Variants in H2AZ2 observed in about 807,000 individuals in gnomAD.
The protein encoded by H2AZ2 is histone H2A.V.
In H2AZ2, 5 loss-of-function variants were observed where a neutral mutation model predicts 15.5. That is an observed-to-expected ratio of 0.32 (90% CI 0.17 to 0.68). H2AZ2 has a LOEUF of 0.68. Among genes scored for constraint, H2AZ2 ranks in the 30% least tolerant of loss-of-function variants. H2AZ2 has a pLI of 0.72. For synonymous variants in H2AZ2, 44 were observed against 57.4 expected, an observed-to-expected ratio of 0.77 and a Z score of 1.05; for missense variants, 42 against 162.5, an observed-to-expected ratio of 0.26 and a Z score of 4.03.
chr7:44,837,499 GT>G (rs1228742559), intron 3 of H2AZ2, among the ~76,000 whole-genome samples: 55 of 122,868 alleles, frequency 4.5e-4, no homozygotes, highest in East Asian at 5.3e-4. Context: ...AACCTAAATT[GT>G]TTTTTTTTTT....
At chr7:44,828,248 C>A (rs576727844), downstream of H2AZ2, 1 of 152,134 alleles carries the variant, frequency 6.6e-6, no homozygotes. Flanking sequence ...TGATTCTTAA[C>A]GACCTTGGTA....
intron 1 of H2AZ2, among the ~76,000 whole-genome samples, chr7:44,844,851 T>A (rs990504898): frequency 2.0e-5 from 3 of 152,164 alleles, no homozygotes; most frequent in African/African-American, 7.2e-5. Context: ...TATTATAGAG[T>A]ATATGTGTAC....
intron 3 of H2AZ2, among the ~76,000 whole-genome samples, chr7:44,838,028 T>A (rs1421121453): frequency 6.6e-6 from 1 of 152,034 alleles, no homozygotes; most frequent in Non-Finnish European, 1.5e-5. Context: ...TGGAGTGCAG[T>A]GGCGCGATCT....
At chr7:44,846,058 C>CAGAGAGAGAGAGAGAG (rs1278378854) in intron 1 of H2AZ2, among the ~76,000 whole-genome samples, 1 of 92,658 alleles carries the variant, frequency 1.1e-5, no homozygotes, top group African/African-American at 3.4e-5. Flanking sequence ...CACACACACA[C>CAGAGAGAGAGAGAGAG]ACACAGAGAG....
chr7:44,841,094 C>A, intron 2 of H2AZ2, 82 bp from the exon 3 acceptor site: 1 of 992,594 alleles, frequency 1.0e-6, no homozygotes, highest in Non-Finnish European at 1.5e-6. Flanking sequence ...ACAATGTAAG[C>A]ATGAAATAAT....
At chr7:44,835,453 A>G (rs767312893) in intron 4 of H2AZ2, 76 bp downstream of exon 4, 4 of 1,228,244 alleles carry the variant, frequency 3.3e-6, no homozygotes, top group African/African-American at 3.0e-5. Context: ...CCGATCAAAT[A>G]TACTATATCA....
rs1240726124 is a variant in H2AZ2 at position 44,832,954 on chromosome 7, C to G, written c.*1547G>C. Reference sequence around the variant, plus strand: ...AAAAGAGCAAGAGCCTGTCTCAAAACAAACAAAAAAGTTTCTTAGAAACTG... The same window carrying G: ...AAAAGAGCAAGAGCCTGTCTCAAAAGAAACAAAAAAGTTTCTTAGAAACTG... On this transcript the variant is annotated 3_prime_UTR_variant, in exon 5 of 5. Transcript: ENST00000308153. Among the ~76,000 whole-genome samples the G allele has an allele frequency of 2.0e-5, 3 of 151,904 alleles. No individual in the cohort carries two copies. The highest frequency in any genetic ancestry group is 2.9e-5 in the Non-Finnish European group (2 of 67,964).
downstream of H2AZ2, chr7:44,830,115 C>T (rs368913178): frequency 2.2e-5 from 36 of 1,612,214 alleles, no homozygotes; most frequent in Middle Eastern, 1.7e-4. Context: ...AAAACCTTGC[C>T]GTCACCTAAT....
Position 44,847,441 on chromosome 7 carries a change from C to T in H2AZ2, c.3+528G>A, listed in dbSNP as rs546112946. Among the ~76,000 whole-genome samples, 13 of 152,288 alleles carry T rather than the reference C, an allele frequency of 8.5e-5. No homozygotes were observed. In the South Asian group the frequency reaches 2.3e-3, roughly 27 times the overall value. On this transcript the variant is annotated intron_variant, in intron 1 of 4. Coordinates refer to ENST00000308153, the MANE Select transcript of H2AZ2 (RefSeq NM_012412.5). Reference sequence around the variant, plus strand: ...CGTTCATTTCTAACCTGTGCAATCACCTAGAACAAATCGTGTGGTTCTGGT... The same window carrying T: ...CGTTCATTTCTAACCTGTGCAATCATCTAGAACAAATCGTGTGGTTCTGGT...
rs544365702 is a variant in H2AZ2, at chr7:44,833,948, C to T, written c.*553G>A. Reference sequence around the variant, plus strand: ...TCCACTACCATTTCAGTCATAAATGCATACTTTTCTATAATCTAACATCTC... The same window carrying T: ...TCCACTACCATTTCAGTCATAAATGTATACTTTTCTATAATCTAACATCTC... On this transcript the variant is annotated 3_prime_UTR_variant, in exon 5 of 5. Transcript: ENST00000308153. 5.7e-6 allele frequency: 1 copy of T among 175,396 alleles called. No individual in the cohort carries two copies. Among genetic ancestry groups the T allele is most frequent in the Non-Finnish European group, 1.1e-5 (1 of 89,476 alleles). 10.9% of individuals were successfully genotyped at this position (175,396 alleles called of 1,614,324 possible).
At chr7:44,844,299 A>G (rs1190629784) in intron 1 of H2AZ2, among the ~76,000 whole-genome samples, 1 of 152,240 alleles carries the variant, frequency 6.6e-6, no homozygotes, top group Non-Finnish European at 1.5e-5. Flanking sequence ...AAGCTACAAC[A>G]TGAATGGGCC....
At chr7:44,835,040 TC>T in intron 4 of H2AZ2, 1 of 162,146 alleles carries the variant, frequency 6.2e-6, no homozygotes, top group Non-Finnish European at 1.4e-5. Flanking sequence ...CCTCTCAGCC[TC>T]CCAAAGTGCT....
intron 2 of H2AZ2, among the ~76,000 whole-genome samples, chr7:44,842,204 G>A (rs1448418400): frequency 1.3e-5 from 2 of 152,164 alleles, no homozygotes; most frequent in Admixed American, 6.6e-5. Context: ...AGACTTCAGA[G>A]TTCTCATACC....
intron 3 of H2AZ2, among the ~76,000 whole-genome samples, chr7:44,838,575 C>T (rs530980274): frequency 9.9e-5 from 15 of 152,162 alleles, no homozygotes; most frequent in Admixed American, 2.6e-4. Flanking sequence ...ATTACTGGAA[C>T]CCAGAAGGCA....
At chr7:44,835,468 T>A in intron 4 of H2AZ2, 61 bp downstream of exon 4, 2 of 1,418,528 alleles carry the variant, frequency 1.4e-6, no homozygotes, top group Non-Finnish European at 2.0e-6. Flanking sequence ...ATATCATTGA[T>A]CTGAACGATA....
At position 44,848,060 on chromosome 7, in the gene H2AZ2, C is replaced by A; in HGVS notation, c.-89G>T. The A allele has an allele frequency of 1.2e-6, 1 of 817,508 alleles. No homozygotes were observed. Among genetic ancestry groups the A allele is most frequent in the Non-Finnish European group, 1.6e-6 (1 of 612,994 alleles). The allele number at this position is 817,508 out of a possible 1,614,324, so 50.6% of individuals were successfully genotyped here. A position where few individuals can be genotyped will look rare whatever the true frequency, so the allele number is the denominator to read the frequency against. ...GCCGCCGCTCTCGCAGCACCGACCG[C>A]CGCCGCCGGAGCCGGACAATACCCC... On this transcript the variant is annotated 5_prime_UTR_variant, in exon 1 of 5. Transcript: ENST00000308153.
rs998162926 is a variant in H2AZ2 at position 44,848,042 on chromosome 7, CTCTCGCAGCACCGACCGCCGCCGCCGG to C, written c.-98_-72del. The C allele has an allele frequency of 9.5e-7, 1 of 1,053,886 alleles. No homozygotes were observed. The highest frequency in any genetic ancestry group is 1.2e-6 in the Non-Finnish European group (1 of 818,034). 65.3% of individuals were successfully genotyped at this position (1,053,886 alleles called of 1,614,324 possible). ...CTGCCGACCCGCGCCGCCGCCGCCG[CTCTCGCAGCACCGACCGCCGCCGCCGG>C]AGCCGGACAATACCCCGTGCCCGCC... On this transcript the variant is annotated 5_prime_UTR_variant, in exon 1 of 5. Transcript: ENST00000308153.
downstream of H2AZ2, chr7:44,830,094 A>G: frequency 1.9e-6 from 3 of 1,598,984 alleles, no homozygotes; most frequent in Non-Finnish European, 2.6e-6. Context: ...ATCTTGTTCC[A>G]CTAAATCAGC....
chr7:44,839,208 A>G (rs1180179007), intron 3 of H2AZ2, among the ~76,000 whole-genome samples: 4 of 152,188 alleles, frequency 2.6e-5, no homozygotes, highest in African/African-American at 9.7e-5. Flanking sequence ...AAATCTTCAT[A>G]AACTACAACA....
Sources: gnomAD v4.1 joint callset for allele counts (sites outside exome capture counted in the v4.1 genomes callset) on GRCh38, gnomAD v4.1.1 for gene constraint, MANE v1.5 for transcripts, NCBI Gene and HGNC (gene_info 2026-07-23, HGNC 2026-07-21) for gene names.